The following PLEKHM3 variants were observed in gnomAD, a reference collection of about 807,000 sequenced individuals.
The protein encoded by PLEKHM3 is pleckstrin homology domain containing M3.
In PLEKHM3, 45 loss-of-function variants were observed where a neutral mutation model predicts 81.8. That is an observed-to-expected ratio of 0.55 (90% CI 0.43 to 0.71). The LOEUF (loss-of-function observed/expected upper bound fraction) is 0.71. PLEKHM3 is among the 30% of genes least tolerant of loss of function. The pLI is 0.00. For missense variants in PLEKHM3, 788 were observed against 924.3 expected (o/e 0.85, Z 1.91); for synonymous variants, 352 against 356.4 (o/e 0.99, Z 0.14).
At chr2:207,828,772 C>G (rs2105876632) in intron 7 of PLEKHM3, among the ~76,000 whole-genome samples, 1 of 152,220 alleles carries the variant, frequency 6.6e-6, no homozygotes, top group Middle Eastern at 3.4e-3. Flanking sequence ...GTTATAGTGA[C>G]AATGGACAGA....
chr2:207,859,851 C>G (rs2092457685), intron 7 of PLEKHM3, among the ~76,000 whole-genome samples: 1 of 152,166 alleles, frequency 6.6e-6, no homozygotes, highest in Admixed American at 6.5e-5. Context: ...CCTGCCTCGG[C>G]CTCCCAAAGT....
intron 3 of PLEKHM3, among the ~76,000 whole-genome samples, chr2:207,964,358 C>T (rs1192161482): frequency 6.6e-6 from 1 of 152,192 alleles, no homozygotes; most frequent in Non-Finnish European, 1.5e-5. Context: ...CTACCCAAAT[C>T]ATACTCATGA....
chr2:208,000,583 A>T (rs959434834), intron 2 of PLEKHM3, among the ~76,000 whole-genome samples: 2 of 152,188 alleles, frequency 1.3e-5, no homozygotes, highest in Non-Finnish European at 2.9e-5. Flanking sequence ...CTAGATGAAA[A>T]GTTCTTTAGG....
intron 1 of PLEKHM3, among the ~76,000 whole-genome samples, chr2:208,012,027 T>C (rs999911761): frequency 6.6e-6 from 1 of 151,600 alleles, no homozygotes; most frequent in Non-Finnish European, 1.5e-5. Flanking sequence ...CGAACTCTGA[T>C]AAACTTCTTT....
chr2:207,892,712 T>C (rs1688098670), intron 6 of PLEKHM3, among the ~76,000 whole-genome samples: 1 of 152,130 alleles, frequency 6.6e-6, no homozygotes, highest in African/African-American at 2.4e-5. Flanking sequence ...GGGTGGAGAC[T>C]CATTGCTTAA....
intron 4 of PLEKHM3, 49 bp downstream of exon 4, chr2:207,946,318 A>G (rs1233304485): frequency 6.3e-7 from 1 of 1,576,398 alleles, no homozygotes; most frequent in Non-Finnish European, 8.7e-7. Context: ...CTGAGAACAT[A>G]TGAACACCTG....
chr2:207,972,954 GA>G, intron 3 of PLEKHM3, among the ~76,000 whole-genome samples: 1 of 152,266 alleles, frequency 6.6e-6, no homozygotes, highest in South Asian at 2.1e-4. Context: ...TCATAACAAA[GA>G]GCTACTCCAT....
intron 6 of PLEKHM3, chr2:207,901,284 T>C: frequency 1.4e-6 from 1 of 703,088 alleles, no homozygotes; most frequent in Non-Finnish European, 2.6e-6. Flanking sequence ...TGGATCAGGT[T>C]AGATTTGGCT....
At chr2:207,971,009 T>G (rs1691101271) in intron 3 of PLEKHM3, among the ~76,000 whole-genome samples, 1 of 152,250 alleles carries the variant, frequency 6.6e-6, no homozygotes, top group Admixed American at 6.5e-5. Context: ...CTGTTTTTCT[T>G]GCTGTCTTTG....
chr2:207,901,856 G>A (rs1688439700), intron 6 of PLEKHM3, among the ~76,000 whole-genome samples: 1 of 152,210 alleles, frequency 6.6e-6, no homozygotes. Flanking sequence ...TTTAATGGAG[G>A]CCTCGTTCCT....
At chr2:207,923,880 C>CACACACACACATATATAT (rs1319162543) in intron 5 of PLEKHM3, among the ~76,000 whole-genome samples, 2 of 56,770 alleles carry the variant, frequency 3.5e-5, no homozygotes, top group Non-Finnish European at 6.4e-5. Context: ...CACACACACA[C>CACACACACACATATATAT]ATATATATAT....
At chr2:207,861,626 G>A (rs2092467931) in intron 6 of PLEKHM3, among the ~76,000 whole-genome samples, 1 of 152,218 alleles carries the variant, frequency 6.6e-6, no homozygotes, top group Admixed American at 6.5e-5. Context: ...AACATACAGA[G>A]TAAATCTGAA....
intron 6 of PLEKHM3, among the ~76,000 whole-genome samples, chr2:207,899,475 T>C (rs537676341): frequency 1.3e-5 from 2 of 152,306 alleles, no homozygotes; most frequent in South Asian, 4.1e-4. Context: ...AGGGGTAACA[T>C]GGCTCCTGAT....
chr2:207,968,199 C>T (rs182597892), intron 3 of PLEKHM3, among the ~76,000 whole-genome samples: 1 of 152,080 alleles, frequency 6.6e-6, no homozygotes, highest in African/African-American at 2.4e-5. Context: ...CTTTTGTGTG[C>T]CCTCAGACTA....
chr2:207,993,203 T>A (rs975185191), intron 2 of PLEKHM3, among the ~76,000 whole-genome samples: 5 of 152,200 alleles, frequency 3.3e-5, no homozygotes, highest in Non-Finnish European at 5.9e-5. Context: ...AATCAGAATG[T>A]GGGCTGTCAA....
intron 6 of PLEKHM3, among the ~76,000 whole-genome samples, chr2:207,884,449 T>C (rs1236184087): frequency 6.6e-6 from 1 of 152,150 alleles, no homozygotes; most frequent in East Asian, 1.9e-4. Flanking sequence ...TTGGAAACAT[T>C]TTGATGACAC....
At chr2:207,864,557 A>C (rs1343398395) in intron 6 of PLEKHM3, among the ~76,000 whole-genome samples, 1 of 152,230 alleles carries the variant, frequency 6.6e-6, no homozygotes, top group Non-Finnish European at 1.5e-5. Context: ...TCTGGAAACC[A>C]GGTGAGTAAA....
At chr2:208,011,785 CTTTTT>C (rs1177948830) in intron 1 of PLEKHM3, among the ~76,000 whole-genome samples, 2,442 of 79,450 alleles carry the variant, frequency 0.031, 19 homozygotes, top group African/African-American at 0.14. Flanking sequence ...CTCTGATAAA[CTTTTT>C]TTTTTTTTTT....
intron 3 of PLEKHM3, among the ~76,000 whole-genome samples, chr2:207,955,602 C>T (rs1052415562): frequency 4.6e-5 from 7 of 152,000 alleles, no homozygotes; most frequent in African/African-American, 1.5e-4. Context: ...GGTATTATGC[C>T]CATTTTACAG....
Sources: allele counts gnomAD v4.1 joint callset (sites outside exome capture counted in the v4.1 genomes callset), GRCh38; gene constraint gnomAD v4.1.1; transcripts MANE v1.5; gene names NCBI Gene and HGNC (gene_info 2026-07-23, HGNC 2026-07-21).